Variants in WDPCP observed in about 807,000 individuals in gnomAD.
WDPCP encodes WD repeat-containing and planar cell polarity effector protein fritz homolog.
WDPCP carries 71 observed loss-of-function variants against 93.1 expected under a neutral mutation model. The observed-to-expected ratio is 0.76, with a 90% confidence interval of 0.63 to 0.93. The LOEUF (loss-of-function observed/expected upper bound fraction) is 0.93. Among genes scored for constraint, WDPCP ranks in the 40% least tolerant of loss-of-function variants. The probability of loss-of-function intolerance (pLI) is 0.00; values close to 1 mark genes in which losing one functional copy is unlikely to be tolerated. For synonymous variants in WDPCP, 315 were observed against 315.0 expected (o/e 1.00, Z 0.00); for missense variants, 844 against 887.4 (o/e 0.95, Z 0.62).
At position 63,404,155 on chromosome 2, in the gene WDPCP, C is replaced by T; in HGVS notation, c.1328G>A (p.Trp443Ter). 6.2e-7 allele frequency: 1 copy of T among 1,614,064 alleles called. No homozygotes were observed. The highest frequency in any genetic ancestry group is 8.5e-7 in the Non-Finnish European group (1 of 1,179,998). Residue 443 changes from tryptophan (W) to a stop codon, truncating the protein, a stop_gained, in exon 10 of 18, where the codon TGG (tryptophan) becomes TAG (stop). Coordinates refer to ENST00000272321, the MANE Select transcript of WDPCP (RefSeq NM_015910.7). LOFTEE classifies it high-confidence loss of function. ...DASSSLVQMQ[W>*]IAPQVVSQKG... ...CTGAGAAACAACCTGAGGAGCTATC[C>T]ATTGCATTTGAACAAGACTGCTGGA...
chr2:63,314,649 C>G (rs1275483016), intron 12 of WDPCP, among the ~76,000 whole-genome samples: 1 of 152,030 alleles, frequency 6.6e-6, no homozygotes, highest in East Asian at 1.9e-4. Flanking sequence ...TCATTTTTCT[C>G]TGCCTCCCCA....
intron 13 of WDPCP, among the ~76,000 whole-genome samples, chr2:63,310,509 T>C (rs1686103541): frequency 6.6e-6 from 1 of 151,714 alleles, no homozygotes; most frequent in Non-Finnish European, 1.5e-5. Flanking sequence ...AAGCTAAGAA[T>C]GGTTTTTGGA....
intron 1 of WDPCP, among the ~76,000 whole-genome samples, chr2:63,566,176 C>A (rs1439789949): frequency 1.3e-5 from 2 of 152,156 alleles, no homozygotes; most frequent in African/African-American, 4.8e-5. Context: ...ATATCTTGGT[C>A]CCCCAAAATC....
At chr2:63,438,421 T>C (rs1697283818) in intron 7 of WDPCP, among the ~76,000 whole-genome samples, 1 of 152,054 alleles carries the variant, frequency 6.6e-6, no homozygotes, top group South Asian at 2.1e-4. Context: ...TTATTTTGGG[T>C]ACAAATAAAA....
At chr2:63,751,967 T>G (rs1360978374) in intron 2 of WDPCP, 3 of 637,450 alleles carry the variant, frequency 4.7e-6, no homozygotes, top group South Asian at 2.8e-5. Flanking sequence ...TCATGACCAC[T>G]GAAGTTTCCT....
In WDPCP at chr2:63,404,364, T is replaced by A. The variant is rs755766939; in HGVS notation, c.1119A>T (p.Leu373Phe). Residue 373 changes from leucine (L) to phenylalanine (F), a missense_variant, in exon 10 of 18, where the codon TTA (leucine) becomes TTT (phenylalanine). Leu to Phe is a conservative substitution (Grantham distance 22). Coordinates refer to ENST00000272321, the MANE Select transcript of WDPCP (RefSeq NM_015910.7). ...ATGAAGGCAAAAGTTCAGTCTGTGC[T>A]AAGAGAGTCACTCTACGGTGAGTTT... Reference protein sequence around the residue: ...LYETHRRVTLLAQTELLPSLI... With the variant: ...LYETHRRVTLFAQTELLPSLI... 13 of 1,614,062 alleles carry A rather than the reference T, an allele frequency of 8.1e-6. No homozygotes were observed. Among genetic ancestry groups the A allele is most frequent in the Non-Finnish European group, 1.1e-5 (13 of 1,180,026 alleles).
At chr2:63,236,449 T>C (rs1679399427) in intron 14 of WDPCP, among the ~76,000 whole-genome samples, 1 of 152,144 alleles carries the variant, frequency 6.6e-6, no homozygotes, top group African/African-American at 2.4e-5. Context: ...GTTACCAAGG[T>C]CATTTTTCAC....
chr2:63,809,082 G>A (rs1170190420), intron 2 of WDPCP, among the ~76,000 whole-genome samples: 4 of 151,088 alleles, frequency 2.6e-5, no homozygotes, highest in Non-Finnish European at 5.9e-5. Context: ...CCCCGTCTGA[G>A]AAGTGAGGAG....
At chr2:63,502,133 T>C (rs1049798523) in intron 1 of WDPCP, among the ~76,000 whole-genome samples, 6 of 152,170 alleles carry the variant, frequency 3.9e-5, no homozygotes, top group Non-Finnish European at 8.8e-5. Flanking sequence ...TACTGACTTG[T>C]TCATTTTGTG....
At chr2:63,140,668 C>T (rs2103690921) in intron 17 of WDPCP, among the ~76,000 whole-genome samples, 1 of 152,104 alleles carries the variant, frequency 6.6e-6, no homozygotes, top group East Asian at 1.9e-4. Flanking sequence ...ATCTTGTATC[C>T]AGAAACTTTG....
At chr2:63,584,379 A>G (rs1184404943) in intron 1 of WDPCP, among the ~76,000 whole-genome samples, 7 of 152,128 alleles carry the variant, frequency 4.6e-5, no homozygotes, top group South Asian at 4.1e-4. Context: ...AATTTTTATA[A>G]AAATTAAATC....
chr2:63,270,923 G>C (rs1244702350), intron 13 of WDPCP, among the ~76,000 whole-genome samples: 2 of 152,140 alleles, frequency 1.3e-5, no homozygotes, highest in African/African-American at 2.4e-5. Context: ...ATGTCACTTT[G>C]AGAGCCCAGT....
intron 2 of WDPCP, among the ~76,000 whole-genome samples, chr2:63,675,907 G>C (rs937926713): frequency 2.0e-5 from 3 of 152,102 alleles, no homozygotes; most frequent in African/African-American, 7.2e-5. Flanking sequence ...CAAATTTATG[G>C]TTTAGTTATA....
At chr2:63,406,139 G>A (rs116635315) in intron 9 of WDPCP, among the ~76,000 whole-genome samples, 1,751 of 152,106 alleles carry the variant, frequency 0.012, 40 homozygotes, top group African/African-American at 0.041. Context: ...TGCTGGATTG[G>A]GGAGGGGTGG....
At chr2:63,264,951 A>AT (rs944637833) in intron 13 of WDPCP, among the ~76,000 whole-genome samples, 54 of 152,328 alleles carry the variant, frequency 3.5e-4, no homozygotes, top group African/African-American at 1.2e-3. Context: ...TAAATGAAGC[A>AT]TCTTTCTGAA....
intron 1 of WDPCP, among the ~76,000 whole-genome samples, chr2:63,542,168 C>CTA (rs1175932803): frequency 6.6e-6 from 1 of 152,062 alleles, no homozygotes; most frequent in Non-Finnish European, 1.5e-5. Flanking sequence ...ATTCTTGAGA[C>CTA]TATATGTATT....
intron 2 of WDPCP, among the ~76,000 whole-genome samples, chr2:63,489,522 G>C (rs542616474): frequency 3.9e-5 from 6 of 152,172 alleles, no homozygotes; most frequent in African/African-American, 1.2e-4. Context: ...AAGGAACAAA[G>C]CTCCTTAGAA....
chr2:63,126,628 C>T (rs567732976), intron 17 of WDPCP, among the ~76,000 whole-genome samples: 5 of 149,974 alleles, frequency 3.3e-5, no homozygotes, highest in East Asian at 1.9e-4. Context: ...TAAAACAGCC[C>T]GATATTCAAC....
At chr2:63,759,742 T>G (rs1347730641) in intron 2 of WDPCP, among the ~76,000 whole-genome samples, 1 of 152,200 alleles carries the variant, frequency 6.6e-6, no homozygotes, top group African/African-American at 2.4e-5. Context: ...GTGAGAAATT[T>G]AAGTCAAGCA....
Sources: gnomAD v4.1 joint callset for allele counts (sites outside exome capture counted in the v4.1 genomes callset) on GRCh38, gnomAD v4.1.1 for gene constraint, MANE v1.5 for transcripts, NCBI Gene and HGNC (gene_info 2026-07-23, HGNC 2026-07-21) for gene names.